GRID2: variants seen among roughly 807,000 people sequenced by gnomAD.
The protein encoded by GRID2 is glutamate ionotropic receptor delta type subunit 2, also known as glutamate receptor ionotropic, delta-2.
GRID2 carries 33 observed loss-of-function variants against 114.8 expected under a neutral mutation model. The ratio of observed to expected loss-of-function variants is 0.29; its 90% CI spans 0.22 to 0.38. The LOEUF (loss-of-function observed/expected upper bound fraction) is 0.38, where lower values mean the gene tolerates loss of function less well. Ranked by LOEUF, GRID2 falls within the 10% of genes least tolerant of loss-of-function variation. The pLI, the probability that GRID2 is intolerant of heterozygous loss-of-function variation, is 1.00. For missense variants in GRID2, 1,184 were observed against 1,257.7 expected (o/e 0.94, Z 0.89); for synonymous variants, 505 against 449.9 (o/e 1.12, Z -1.55).
intron 2 of GRID2, among the ~76,000 whole-genome samples, chr4:93,080,946 G>C (rs941289254): frequency 6.6e-6 from 1 of 152,178 alleles, no homozygotes; most frequent in African/African-American, 2.4e-5. Flanking sequence ...AAGCCAAGGG[G>C]AGGCCAAACC....
At chr4:93,524,400 C>T in intron 13 of GRID2, among the ~76,000 whole-genome samples, 1 of 151,972 alleles carries the variant, frequency 6.6e-6, no homozygotes, top group East Asian at 1.9e-4. Context: ...AGGTCTGTGT[C>T]AGTCATCACA....
intron 2 of GRID2, among the ~76,000 whole-genome samples, chr4:92,827,190 C>A (rs1167944750): frequency 6.6e-6 from 1 of 151,842 alleles, no homozygotes; most frequent in Non-Finnish European, 1.5e-5. Flanking sequence ...AAGTGTTAGG[C>A]AATTAAACTA....
intron 2 of GRID2, among the ~76,000 whole-genome samples, chr4:92,766,044 C>G (rs961554731): frequency 1.3e-5 from 2 of 152,120 alleles, no homozygotes; most frequent in African/African-American, 4.8e-5. Context: ...TCACTGAAAG[C>G]TTGAGCCATA....
chr4:92,946,129 C>T (rs941043108), intron 2 of GRID2, among the ~76,000 whole-genome samples: 17 of 152,116 alleles, frequency 1.1e-4, no homozygotes, highest in Non-Finnish European at 1.3e-4. Context: ...ATTCTTCAAC[C>T]GCTGTTTCCT....
chr4:93,571,073 A>G (rs1472856774), intron 13 of GRID2, among the ~76,000 whole-genome samples: 1 of 152,150 alleles, frequency 6.6e-6, no homozygotes, highest in Non-Finnish European at 1.5e-5. Context: ...GGATGTCAAG[A>G]TAAGTTTCTT....
At chr4:92,346,921 T>TATGCATCTGTCTCTCTATCTATCTCATC (rs1727794911) in intron 1 of GRID2, among the ~76,000 whole-genome samples, 1 of 152,232 alleles carries the variant, frequency 6.6e-6, no homozygotes, top group Admixed American at 6.5e-5. Flanking sequence ...TATCTCTCAT[T>TATGCATCTGTCTCTCTATCTATCTCATC]ATGCATCTGT....
At chr4:92,606,604 C>T (rs2149224187) in intron 2 of GRID2, among the ~76,000 whole-genome samples, 1 of 152,014 alleles carries the variant, frequency 6.6e-6, no homozygotes, top group East Asian at 1.9e-4. Context: ...ACTGTCTTGT[C>T]CTTTATCCTT....
chr4:92,486,534 ATCTC>A (rs1260763193), intron 1 of GRID2, among the ~76,000 whole-genome samples: 25 of 138,818 alleles, frequency 1.8e-4, no homozygotes, highest in South Asian at 7.0e-4. Context: ...AGCCTTATAA[ATCTC>A]TCTCTCTTTC....
intron 4 of GRID2, among the ~76,000 whole-genome samples, chr4:93,185,993 G>C (rs540453503): frequency 5.1e-4 from 77 of 152,090 alleles, no homozygotes; most frequent in African/African-American, 1.8e-3. Flanking sequence ...GAGAACATGC[G>C]GTGTTTGGTT....
intron 1 of GRID2, among the ~76,000 whole-genome samples, chr4:92,492,149 T>C (rs1723174767): frequency 6.6e-6 from 1 of 152,164 alleles, no homozygotes; most frequent in African/African-American, 2.4e-5. Flanking sequence ...TATTCTCCTA[T>C]TAAAAAGTAA....
chr4:92,792,372 C>CA (rs1040116977), intron 2 of GRID2, among the ~76,000 whole-genome samples: 11 of 151,334 alleles, frequency 7.3e-5, no homozygotes, highest in African/African-American at 2.7e-4. Context: ...TCGTGTGAGA[C>CA]ACTGTTTTCC....
At chr4:93,006,396 G>A (rs1721529240) in intron 2 of GRID2, among the ~76,000 whole-genome samples, 3 of 151,864 alleles carry the variant, frequency 2.0e-5, no homozygotes, top group Non-Finnish European at 4.4e-5. Flanking sequence ...CTGAGAATAG[G>A]TCTAAGGAAA....
At chr4:93,763,582 G>A (rs769192467) in intron 14 of GRID2, among the ~76,000 whole-genome samples, 5 of 152,194 alleles carry the variant, frequency 3.3e-5, no homozygotes, top group Non-Finnish European at 7.3e-5. Context: ...ATTAGAAGCT[G>A]TGTGAGATAA....
intron 2 of GRID2, among the ~76,000 whole-genome samples, chr4:92,840,171 T>C (rs1230211134): frequency 6.6e-6 from 1 of 152,076 alleles, no homozygotes; most frequent in Non-Finnish European, 1.5e-5. Context: ...ATGAAATATA[T>C]ATTTTTTCAT....
chr4:93,011,185 G>A (rs1430916599), intron 2 of GRID2, among the ~76,000 whole-genome samples: 1 of 150,740 alleles, frequency 6.6e-6, no homozygotes, highest in Non-Finnish European at 1.5e-5. Context: ...ACTTTTGGAA[G>A]GAAGAGAATT....
intron 10 of GRID2, among the ~76,000 whole-genome samples, chr4:93,452,351 G>A (rs1042575276): frequency 6.6e-6 from 1 of 152,066 alleles, no homozygotes; most frequent in African/African-American, 2.4e-5. Context: ...ACAATATGGG[G>A]AAAAAGAGTT....
At chr4:93,761,639 T>C (rs1733221821) in intron 14 of GRID2, among the ~76,000 whole-genome samples, 1 of 152,286 alleles carries the variant, frequency 6.6e-6, no homozygotes, top group African/African-American at 2.4e-5. Context: ...TTAACCTATA[T>C]GATAGAAACT....
intron 9 of GRID2, among the ~76,000 whole-genome samples, chr4:93,398,871 A>G (rs1765611381): frequency 2.6e-5 from 4 of 151,180 alleles, no homozygotes; most frequent in Non-Finnish European, 5.9e-5. Context: ...ATAATTTTGC[A>G]TGCTTCCTAT....
At chr4:92,489,675 G>A (rs1016222621) in intron 1 of GRID2, among the ~76,000 whole-genome samples, 3 of 151,740 alleles carry the variant, frequency 2.0e-5, no homozygotes, top group East Asian at 1.9e-4. Context: ...GTGAAACACC[G>A]TCTCTACTAA....
Sources: gnomAD v4.1 joint callset for allele counts (sites outside exome capture counted in the v4.1 genomes callset) on GRCh38, gnomAD v4.1.1 for gene constraint, MANE v1.5 for transcripts, NCBI Gene and HGNC (gene_info 2026-07-23, HGNC 2026-07-21) for gene names.